The following C9orf72 variants were observed in gnomAD, a reference collection of about 807,000 sequenced individuals.
C9orf72 encodes guanine nucleotide exchange factor C9orf72.
C9orf72 carries 44 observed loss-of-function variants against 51.6 expected under a neutral mutation model. The ratio of observed to expected loss-of-function variants is 0.85; its 90% CI spans 0.67 to 1.10. The LOEUF (loss-of-function observed/expected upper bound fraction) is 1.10. Ranked by LOEUF, C9orf72 falls within the 50% of genes least tolerant of loss-of-function variation. C9orf72 has a pLI of 0.00. For synonymous variants in C9orf72, 213 were observed against 194.2 expected, an observed-to-expected ratio of 1.10 and a Z score of -0.81; for missense variants, 607 against 570.6, an observed-to-expected ratio of 1.06 and a Z score of -0.65.
At chr9:27,559,265 G>GT (rs897866869) in intron 6 of C9orf72, 6 of 107,800 alleles carry the variant, frequency 5.6e-5, no homozygotes, top group East Asian at 2.9e-4. Flanking sequence ...TGGGAAAAAT[G>GT]TTTAAAAAAA....
intron 7 of C9orf72, among the ~76,000 whole-genome samples, chr9:27,558,257 T>G (rs1050154172): frequency 6.6e-6 from 1 of 150,598 alleles, no homozygotes. Context: ...AGGCTAGACA[T>G]GTAGGAACAG....
At chr9:27,562,772 A>G (rs372934275) in intron 3 of C9orf72, among the ~76,000 whole-genome samples, 3 of 151,956 alleles carry the variant, frequency 2.0e-5, no homozygotes, top group East Asian at 1.9e-4. Flanking sequence ...CCCAGGTTCA[A>G]GTGACTCTCC....
At chr9:27,569,054 T>C (rs1168644762) in intron 1 of C9orf72, among the ~76,000 whole-genome samples, 2 of 151,992 alleles carry the variant, frequency 1.3e-5, no homozygotes, top group African/African-American at 4.8e-5. Flanking sequence ...GTGTGTGTGT[T>C]TTAGTTTTTA....
rs371151244 is a variant in C9orf72 at position 27,548,196 on chromosome 9, G to A, written c.*40C>T. 17 of 1,494,362 alleles carry A rather than the reference G, an allele frequency of 1.1e-5. No individual in the cohort carries two copies. In the African/African-American group the frequency reaches 1.4e-4, roughly 12 times the overall value. 92.6% of individuals were successfully genotyped at this position (1,494,362 alleles called of 1,614,324 possible). On this transcript the variant is annotated 3_prime_UTR_variant, in exon 11 of 11. Transcript: ENST00000380003. ...CACACCACTGAGCTACTTTACCAGC[G>A]ATCATGATTGTGATGGAATAGGCTT...
In C9orf72 at chr9:27,567,128, T is replaced by C. The variant is rs548524458; in HGVS notation, c.-8A>G. 99 of 1,608,550 alleles carry C rather than the reference T, an allele frequency of 6.2e-5. No individual in the cohort carries two copies. Among genetic ancestry groups the C allele is most frequent in the Non-Finnish European group, 8.2e-5 (97 of 1,176,236 alleles). On this transcript the variant is annotated 5_prime_UTR_variant, in exon 2 of 11. An upstream start codon of the reference 5' UTR is lost. Coordinates refer to ENST00000380003, the MANE Select transcript of C9orf72 (RefSeq NM_018325.5). ...TGGGCAAAGAGTCGACATCACTGCA[T>C]TCCAACTGTCACATTATCCAAATGC...
intron 3 of C9orf72, among the ~76,000 whole-genome samples, chr9:27,563,084 A>T (rs1181600446): frequency 6.6e-6 from 1 of 152,160 alleles, no homozygotes; most frequent in Non-Finnish European, 1.5e-5. Flanking sequence ...AATGAGGAAA[A>T]CCAAGCACAA....
chr9:27,552,198 T>C (rs1370247540), intron 8 of C9orf72, among the ~76,000 whole-genome samples: 1 of 152,196 alleles, frequency 6.6e-6, no homozygotes, highest in Non-Finnish European at 1.5e-5. Flanking sequence ...AAAGGAGTGG[T>C]GAGAGTGGAC....
chr9:27,573,467 G>GCAGGCACCGCAACCGCAGCCC lies in C9orf72; in HGVS notation c.-82_-81insGGGCTGCGGTTGCGGTGCCTG, dbSNP rs1819637639. 6.9e-6 allele frequency: 1 copy of GCAGGCACCGCAACCGCAGCCC among 144,704 alleles called. No individual in the cohort carries two copies. Among genetic ancestry groups the GCAGGCACCGCAACCGCAGCCC allele is most frequent in the African/African-American group, 2.6e-5 (1 of 38,660 alleles). 9.0% of individuals were successfully genotyped at this position (144,704 alleles called of 1,614,324 possible). A position where few individuals can be genotyped will look rare whatever the true frequency, so the allele number is the denominator to read the frequency against. The stretch of plus-strand genomic sequence containing the variant: ...CGCCTGCGCCTCCGCCGCCGCGGGC[G>GCAGGCACCGCAACCGCAGCCC]CAGGCACCGCAACCGCAGCCCCGCC... On this transcript the variant is annotated 5_prime_UTR_variant, in exon 1 of 11. Coordinates refer to ENST00000380003, the MANE Select transcript of C9orf72 (RefSeq NM_018325.5).
chr9:27,556,981 G>C (rs751389099), intron 7 of C9orf72, among the ~76,000 whole-genome samples, 185 bp from the exon 8 acceptor site: 1 of 152,130 alleles, frequency 6.6e-6, no homozygotes, highest in Non-Finnish European at 1.5e-5. Flanking sequence ...GGTTTCAATA[G>C]CAAAACATCA....
intron 9 of C9orf72, among the ~76,000 whole-genome samples, chr9:27,550,193 C>A (rs903109800): frequency 1.3e-5 from 2 of 150,024 alleles, no homozygotes; most frequent in African/African-American, 4.9e-5. Context: ...TATATATACA[C>A]ACACAAACAT....
At chr9:27,556,083 A>G (rs1819188481) in intron 8 of C9orf72, among the ~76,000 whole-genome samples, 2 of 151,998 alleles carry the variant, frequency 1.3e-5, no homozygotes, top group African/African-American at 2.4e-5. Flanking sequence ...GAATAACAAT[A>G]TAAAATGCAA....
At chr9:27,560,101 T>G (rs2131538112) in intron 6 of C9orf72, 126 bp downstream of exon 6, 194 of 495,218 alleles carry the variant, frequency 3.9e-4, no homozygotes, top group East Asian at 9.0e-4. Context: ...AGCAATTTGA[T>G]GAGATTACAT....
At chr9:27,561,031 C>G (rs2131539549) in intron 5 of C9orf72, 1 of 175,292 alleles carries the variant, frequency 5.7e-6, no homozygotes. Context: ...ATTTATCTTA[C>G]TCAATGCTTA....
At chr9:27,550,005 A>G (rs1383755593) in intron 9 of C9orf72, among the ~76,000 whole-genome samples, 1 of 151,074 alleles carries the variant, frequency 6.6e-6, no homozygotes, top group African/African-American at 2.4e-5. Flanking sequence ...TAAATGTTAA[A>G]ATATATATAA....
In C9orf72 at chr9:27,557,649, C is replaced by T. The variant is rs561947728; in HGVS notation, c.855+842G>A. 3.9e-5 allele frequency among the ~76,000 whole-genome samples: 6 copies of T among 152,044 alleles called. No individual in the cohort carries two copies. In the East Asian group the frequency reaches 9.7e-4, roughly 24 times the overall value. The stretch of plus-strand genomic sequence containing the variant: ...CAAAAGTATTAAGCACTTTATTATG[C>T]CTTTAACAGGAGAAGTTCTAATTTA... On this transcript the variant is annotated intron_variant, in intron 7 of 10. Coordinates refer to ENST00000380003, the MANE Select transcript of C9orf72 (RefSeq NM_018325.5).
intron 8 of C9orf72, among the ~76,000 whole-genome samples, chr9:27,556,055 T>C (rs700829): frequency 6.6e-6 from 1 of 150,636 alleles, no homozygotes; most frequent in East Asian, 1.9e-4. Context: ...CTTTTTTTTT[T>C]AAAAAAAAAT....
At chr9:27,560,558 T>G (rs1049917557) in intron 5 of C9orf72, 1 of 733,148 alleles carries the variant, frequency 1.4e-6, no homozygotes, top group Non-Finnish European at 1.7e-6. Context: ...ATTTATTTAT[T>G]GAAATACCAT....
rs1015333140 is a variant in C9orf72, at chr9:27,547,967, A to T, written c.*269T>A. 8.5e-6 allele frequency: 2 copies of T among 235,674 alleles called. No individual in the cohort carries two copies. The highest frequency in any genetic ancestry group is 1.7e-4 in the South Asian group (1 of 5,788). 14.6% of individuals were successfully genotyped at this position (235,674 alleles called of 1,614,324 possible). A position where few individuals can be genotyped will look rare whatever the true frequency, so the allele number is the denominator to read the frequency against. ...GTGGTCAAGTTTACATCCTATTATT[A>T]TATCTTTAAAAGATAGCAATAATAT... On this transcript the variant is annotated 3_prime_UTR_variant, in exon 11 of 11. Transcript: ENST00000380003.
At position 27,566,942 on chromosome 9, in the gene C9orf72, G is replaced by C; in HGVS notation, c.179C>G (p.Thr60Ser). 1 of 1,614,084 alleles carries C rather than the reference G, an allele frequency of 6.2e-7. No individual in the cohort carries two copies. Among genetic ancestry groups the C allele is most frequent in the Non-Finnish European group, 8.5e-7 (1 of 1,179,946 alleles). Residue 60 changes from threonine (T) to serine (S), a missense_variant, in exon 2 of 11, where the codon ACT becomes AGT. By Grantham distance (58) the Thr-to-Ser change is moderately conservative. Coordinates refer to ENST00000380003, the MANE Select transcript of C9orf72 (RefSeq NM_018325.5). ...EQVLLSDGEITFLANHTLNGE... is the reference protein window; with the variant it reads ...EQVLLSDGEISFLANHTLNGE... ...ATTTAGAGTGTGGTTGGCAAGAAAA[G>C]TTATTTCTCCATCACTGAGAAGTAC...
Sources: gnomAD v4.1 joint callset for allele counts (sites outside exome capture counted in the v4.1 genomes callset) on GRCh38, gnomAD v4.1.1 for gene constraint, MANE v1.5 for transcripts, NCBI Gene and HGNC (gene_info 2026-07-23, HGNC 2026-07-21) for gene names.